Variants in COL5A1 observed in about 807,000 individuals in gnomAD.
COL5A1 encodes the protein collagen alpha-1(V) chain.
COL5A1 carries 16 observed loss-of-function variants against 263.7 expected under a neutral mutation model. The observed-to-expected ratio is 0.06, with a 90% CI of 0.04 to 0.09. The LOEUF (loss-of-function observed/expected upper bound fraction) is 0.09. Among genes scored for constraint, COL5A1 ranks in the 10% least tolerant of loss-of-function variants. COL5A1 has a pLI of 1.00. For synonymous variants in COL5A1, 1,012 were observed against 1,004.5 expected, an observed-to-expected ratio of 1.01 and a Z score of -0.14; for missense variants, 2,036 against 2,540.5, an observed-to-expected ratio of 0.80 and a Z score of 4.27.
chr9:134,750,868 C>A lies in COL5A1; in HGVS notation c.1648C>A (p.Leu550Ile). Residue 550 changes from leucine (L) to isoleucine (I), a missense_variant, in exon 13 of 66, where the codon CTC becomes ATC. Coordinates refer to ENST00000371817, the MANE Select transcript of COL5A1 (RefSeq NM_000093.5). ...CCAGGAGTCCCAGGCGCAAGCCATTCTCCAGCAGGCCAGGGTGAGTACTGC... is the reference window on the plus strand; with the variant it reads ...CCAGGAGTCCCAGGCGCAAGCCATTATCCAGCAGGCCAGGGTGAGTACTGC... ...SAQESQAQAI[L>I]QQARLALRGP... is the part of the protein sequence containing the mutation. The A allele has an allele frequency of 6.2e-7, 1 of 1,613,184 alleles. No individual in the cohort carries two copies. The highest frequency in any genetic ancestry group is 8.5e-7 in the Non-Finnish European group (1 of 1,179,950).
intron 1 of COL5A1, among the ~76,000 whole-genome samples, chr9:134,690,289 CAG>C (rs1038165684): frequency 2.1e-5 from 3 of 145,760 alleles, no homozygotes; most frequent in African/African-American, 7.3e-5. Flanking sequence ...GGGAAGGCGA[CAG>C]ACAGTCCAGG....
intron 7 of COL5A1, among the ~76,000 whole-genome samples, chr9:134,731,087 A>G (rs1487581415): frequency 6.6e-6 from 1 of 152,200 alleles, no homozygotes; most frequent in Non-Finnish European, 1.5e-5. Flanking sequence ...TGTGTAGCAC[A>G]TGGCCGATGC....
rs750313963 is a variant in COL5A1 at position 134,820,187 on chromosome 9, T to C, written c.4518T>C (p.Pro1506=). 7 of 1,613,834 alleles carry C rather than the reference T, an allele frequency of 4.3e-6. No individual in the cohort carries two copies. The highest frequency in any genetic ancestry group is 4.0e-5 in the African/African-American group (3 of 74,948). The change falls in exon 58 of 66, where the codon CCT becomes CCC. Residue 1506 remains proline (P), a synonymous_variant. Coordinates refer to ENST00000371817, the MANE Select transcript of COL5A1 (RefSeq NM_000093.5). ...GTGAGAAGGGCGACCGTGGTCTCCC[T>C]GGCCCCCAGGGCTCCTCCGGTCCTA... ...EQGEKGDRGL[P]GPQGSSGPKG...
chr9:134,690,174 G>A (rs1400788158), intron 1 of COL5A1, among the ~76,000 whole-genome samples: 1 of 152,198 alleles, frequency 6.6e-6, no homozygotes, highest in Non-Finnish European at 1.5e-5. Context: ...TTCTGGAAGG[G>A]ATGCGGGGGC....
At chr9:134,778,579 C>A (rs571163932) in intron 27 of COL5A1, among the ~76,000 whole-genome samples, 1 of 152,228 alleles carries the variant, frequency 6.6e-6, no homozygotes, top group South Asian at 2.1e-4. Flanking sequence ...CCCTGTCCCC[C>A]CAAGGCGCTC....
Position 134,818,933 on chromosome 9 carries a change from G to C in COL5A1, c.4392+32G>C. The C allele has an allele frequency of 6.2e-7, 1 of 1,613,110 alleles. No individual in the cohort carries two copies. Among genetic ancestry groups the C allele is most frequent in the Non-Finnish European group, 8.5e-7 (1 of 1,179,770 alleles). ...CACATTCCTCATGGTGAGCATAGCGGGTGGGATGACTTCGCCACCCAAAGC... is the reference window on the plus strand; with the variant it reads ...CACATTCCTCATGGTGAGCATAGCGCGTGGGATGACTTCGCCACCCAAAGC... On this transcript the variant is annotated intron_variant, in intron 56 of 65. Transcript: ENST00000371817. This position sits in a 1 kb window ranked among gnomAD's most constrained non-coding sequence, Gnocchi z 6.0.
rs114517917 is a variant in COL5A1 at position 134,678,944 on chromosome 9, G to C, written c.110-11968G>C. On this transcript the variant is annotated intron_variant, in intron 1 of 65. Coordinates refer to ENST00000371817, the MANE Select transcript of COL5A1 (RefSeq NM_000093.5). This position sits in a 1 kb window ranked among gnomAD's most constrained non-coding sequence, Gnocchi z 5.5. ...GATCTGTGCAGGGTGAGGCTCCGAG[G>C]CTTGCTGGGTCAGTCCCATTCAGTG... Among the ~76,000 whole-genome samples, 340 of 152,330 alleles carry C rather than the reference G, an allele frequency of 2.2e-3. 4 individuals are homozygous for C. The highest frequency in any genetic ancestry group is 7.6e-3 in the African/African-American group (318 of 41,570).
chr9:134,818,611 G>A lies in COL5A1; in HGVS notation c.4231-45G>A, dbSNP rs775367498. 4.8e-6 allele frequency: 7 copies of A among 1,460,048 alleles called. No individual in the cohort carries two copies. The highest frequency in any genetic ancestry group is 4.7e-6 in the Non-Finnish European group (5 of 1,055,630). 90.4% of individuals were successfully genotyped at this position (1,460,048 alleles called of 1,614,324 possible). A position where few individuals can be genotyped will look rare whatever the true frequency, so the allele number is the denominator to read the frequency against. ...CAGTGGTCCTGGGCCAGGGTGCCTG[G>A]AGCCTAGAGCTCCGGACCTCATTCT... On this transcript the variant is annotated intron_variant, in intron 54 of 65. Transcript: ENST00000371817. This position sits in a 1 kb window ranked among gnomAD's most constrained non-coding sequence, Gnocchi z 6.0.
Position 134,681,662 on chromosome 9 carries a change from C to A in COL5A1, c.110-9250C>A, listed in dbSNP as rs143599259. Among the ~76,000 whole-genome samples the A allele has an allele frequency of 9.6e-3, 1,457 of 152,284 alleles. 10 individuals are homozygous for A. The highest frequency in any genetic ancestry group is 0.017 in the African/African-American group (719 of 41,548). On this transcript the variant is annotated intron_variant, in intron 1 of 65. Transcript: ENST00000371817. This position sits in a 1 kb window ranked among gnomAD's most constrained non-coding sequence, Gnocchi z 4.3. The stretch of plus-strand genomic sequence containing the variant: ...CAGCATGGCACCAGCCTGCGAGTGA[C>A]CATGCTCACCTGCCCTGTACCTCGA...
intron 11 of COL5A1, among the ~76,000 whole-genome samples, chr9:134,750,189 C>T (rs1348282182): frequency 5.9e-5 from 9 of 152,290 alleles, no homozygotes; most frequent in South Asian, 4.1e-4. Context: ...CTAAAAGGGG[C>T]GTTCCTGGAG....
chr9:134,743,212 C>T (rs965878203), intron 11 of COL5A1, among the ~76,000 whole-genome samples: 7 of 152,180 alleles, frequency 4.6e-5, no homozygotes, highest in African/African-American at 9.7e-5. Context: ...TCCTGAATAC[C>T]GTCCAGTGTT....
At chr9:134,835,425 A>T (rs1839818882) in intron 65 of COL5A1, among the ~76,000 whole-genome samples, 1 of 152,142 alleles carries the variant, frequency 6.6e-6, no homozygotes, top group African/African-American at 2.4e-5. Context: ...GTGGGTTAGG[A>T]TGGGAAATCT....
chr9:134,646,312 C>T (rs545721888), intron 1 of COL5A1, among the ~76,000 whole-genome samples: 1 of 152,132 alleles, frequency 6.6e-6, no homozygotes, highest in East Asian at 2.0e-4. Flanking sequence ...GGGTTAATTG[C>T]ACTGGGGAGA....
intron 1 of COL5A1, chr9:134,649,340 A>G: frequency 2.6e-6 from 1 of 377,790 alleles, no homozygotes. Flanking sequence ...AAATGTCACC[A>G]TCCTTTGATG....
At chr9:134,760,862 C>T (rs1836389846) in intron 18 of COL5A1, among the ~76,000 whole-genome samples, 1 of 149,474 alleles carries the variant, frequency 6.7e-6, no homozygotes, top group Non-Finnish European at 1.5e-5. Flanking sequence ...GCACACCACC[C>T]ACACATGCAC....
intron 2 of COL5A1, among the ~76,000 whole-genome samples, chr9:134,694,947 C>T (rs907082049): frequency 6.6e-6 from 1 of 152,158 alleles, no homozygotes; most frequent in Non-Finnish European, 1.5e-5. Context: ...ATGGTGTGCT[C>T]CCTGCCTTGT....
At chr9:134,781,311 G>C (rs1265105553) in intron 28 of COL5A1, among the ~76,000 whole-genome samples, 1 of 152,260 alleles carries the variant, frequency 6.6e-6, no homozygotes, top group Non-Finnish European at 1.5e-5. Context: ...TCCTTCCCAA[G>C]GGCATCCGCA....
rs1473347703 is a variant in COL5A1 at position 134,647,927 on chromosome 9, T to G, written c.109+5631T>G. ...GGCCCTTGTGGTGGTTACTACTGAG[T>G]GTCAATTTGATTGGATTGAAGGATA... is the stretch of plus-strand genomic sequence containing the variant. On this transcript the variant is annotated intron_variant, in intron 1 of 65. Coordinates refer to ENST00000371817, the MANE Select transcript of COL5A1 (RefSeq NM_000093.5). The surrounding 1 kb of genome is among the most constrained non-coding windows in gnomAD (Gnocchi z 5.0). Among the ~76,000 whole-genome samples, 1 of 152,132 alleles carries G rather than the reference T, an allele frequency of 6.6e-6. No homozygotes were observed. The highest frequency in any genetic ancestry group is 2.4e-5 in the African/African-American group (1 of 41,416).
chr9:134,776,934 T>C (rs1046005604), intron 27 of COL5A1, among the ~76,000 whole-genome samples: 3 of 152,170 alleles, frequency 2.0e-5, no homozygotes, highest in African/African-American at 7.2e-5. Context: ...GGTAAAGGCA[T>C]AATCCTAATC....
Sources: allele counts gnomAD v4.1 joint callset (sites outside exome capture counted in the v4.1 genomes callset), GRCh38; gene constraint gnomAD v4.1.1; non-coding constraint Gnocchi (gnomAD v3.1); transcripts MANE v1.5; gene names NCBI Gene and HGNC (gene_info 2026-07-23, HGNC 2026-07-21).